Variants in SCML4 observed in about 807,000 individuals in gnomAD.
The protein encoded by SCML4 is Scm polycomb group protein like 4.
A neutral mutation model predicts 41.1 loss-of-function variants in SCML4; 34 were observed. The observed-to-expected ratio is 0.83, with a 90% CI of 0.63 to 1.10. The LOEUF (loss-of-function observed/expected upper bound fraction) is 1.10, where lower values mean the gene tolerates loss of function less well. Among genes scored for constraint, SCML4 ranks in the 50% least tolerant of loss-of-function variants. SCML4 has a pLI of 0.00. For missense variants in SCML4, 522 were observed against 534.1 expected, an observed-to-expected ratio of 0.98 and a Z score of 0.22; for synonymous variants, 214 against 220.9, an observed-to-expected ratio of 0.97 and a Z score of 0.28.
intron 5 of SCML4, among the ~76,000 whole-genome samples, chr6:107,743,407 C>T (rs1213686137): frequency 1.3e-5 from 2 of 152,130 alleles, no homozygotes; most frequent in African/African-American, 4.8e-5. Flanking sequence ...TCCCATGGGT[C>T]ATTGTGTGTT....
chr6:107,712,711 G>T (rs959201890), intron 6 of SCML4, among the ~76,000 whole-genome samples: 3 of 152,152 alleles, frequency 2.0e-5, no homozygotes, highest in African/African-American at 7.2e-5. Flanking sequence ...AAGAAAAATG[G>T]AGCTTTCCAG....
At chr6:107,813,371 TA>T (rs1784314402) in intron 1 of SCML4, among the ~76,000 whole-genome samples, 1 of 1,948 alleles carries the variant, frequency 5.1e-4, no homozygotes, top group Non-Finnish European at 1.3e-3. Flanking sequence ...TCAAAAAAAT[TA>T]TATATATATA....
intron 1 of SCML4, among the ~76,000 whole-genome samples, chr6:107,789,498 C>A (rs774368243): frequency 6.6e-6 from 1 of 152,192 alleles, no homozygotes; most frequent in Non-Finnish European, 1.5e-5. Context: ...CTATGTCCTG[C>A]GTCGTTGACA....
At chr6:107,788,183 A>C (rs1782045711) in intron 1 of SCML4, among the ~76,000 whole-genome samples, 1 of 152,236 alleles carries the variant, frequency 6.6e-6, no homozygotes, top group African/African-American at 2.4e-5. Context: ...CTTCCCCAAT[A>C]GACAAGGACC....
intron 1 of SCML4, among the ~76,000 whole-genome samples, chr6:107,814,358 C>T (rs1784414497): frequency 6.6e-6 from 1 of 152,134 alleles, no homozygotes; most frequent in South Asian, 2.1e-4. Context: ...CCCAGTTATA[C>T]CACTTAACAG....
chr6:107,776,198 T>A (rs554903297), intron 1 of SCML4, among the ~76,000 whole-genome samples: 1 of 151,820 alleles, frequency 6.6e-6, no homozygotes, highest in Admixed American at 6.6e-5. Flanking sequence ...AAATGTAAAA[T>A]CATAAAAAAG....
In SCML4 at chr6:107,824,223, T is replaced by G. The variant is rs1785149793; in HGVS notation, c.-157A>C. 1 of 152,216 alleles carries G rather than the reference T, an allele frequency of 6.6e-6. No homozygotes were observed. The highest frequency in any genetic ancestry group is 6.5e-5 in the Admixed American group (1 of 15,288). The allele number at this position is 152,216 out of a possible 1,614,324, so 9.4% of individuals were successfully genotyped here. A position where few individuals can be genotyped will look rare whatever the true frequency, so the allele number is the denominator to read the frequency against. ...CTTTCAGCACATGCAAACCGAGTAT[T>G]GCAAAAGCTATCTTCCACCCGTGTT... On this transcript the variant is annotated 5_prime_UTR_variant, in exon 1 of 8. Coordinates refer to ENST00000369020, the MANE Select transcript of SCML4 (RefSeq NM_198081.5).
chr6:107,765,256 C>T (rs1779939908), intron 2 of SCML4, among the ~76,000 whole-genome samples: 1 of 152,162 alleles, frequency 6.6e-6, no homozygotes. Context: ...TCAAAACTGT[C>T]AGCCCAGCTG....
chr6:107,805,054 T>A (rs1220846143), intron 1 of SCML4, among the ~76,000 whole-genome samples: 2 of 152,160 alleles, frequency 1.3e-5, no homozygotes, highest in East Asian at 3.9e-4. Context: ...ACAATAAGCC[T>A]GTGCTGGAGG....
intron 1 of SCML4, among the ~76,000 whole-genome samples, chr6:107,814,620 T>C (rs7738729): frequency 7.4e-4 from 113 of 152,364 alleles, no homozygotes; most frequent in African/African-American, 2.5e-3. Context: ...TGGCACAATC[T>C]TGGCCCACTG....
chr6:107,831,979 C>T, the SCML4 span, among the ~76,000 whole-genome samples: 2 of 151,056 alleles, frequency 1.3e-5, no homozygotes, highest in Admixed American at 6.6e-5. Flanking sequence ...AGGAGAATGG[C>T]GTGAACCCGG....
At chr6:107,838,961 AAC>A in the SCML4 span, among the ~76,000 whole-genome samples, 1 of 64,690 alleles carries the variant, frequency 1.5e-5, no homozygotes, top group Non-Finnish European at 4.2e-5. Flanking sequence ...CTATGTCCAC[AAC>A]AAAAAATCGT....
the SCML4 span, among the ~76,000 whole-genome samples, chr6:107,844,165 G>A: frequency 1.3e-5 from 2 of 152,170 alleles, no homozygotes; most frequent in African/African-American, 4.8e-5. Flanking sequence ...GCTATTAAAT[G>A]ATGGGAAACA....
At chr6:107,797,198 G>A (rs1357045214) in intron 1 of SCML4, among the ~76,000 whole-genome samples, 1 of 152,014 alleles carries the variant, frequency 6.6e-6, no homozygotes, top group Admixed American at 6.6e-5. Context: ...ATTTTCATTA[G>A]GAATGCATTG....
intron 3 of SCML4, among the ~76,000 whole-genome samples, chr6:107,749,361 T>A (rs1404697918): frequency 2.6e-5 from 4 of 152,006 alleles, no homozygotes; most frequent in Non-Finnish European, 5.9e-5. Context: ...CTTAGATCAG[T>A]GCAATGGATC....
At chr6:107,758,475 G>A (rs9373974) in intron 2 of SCML4, among the ~76,000 whole-genome samples, 2 of 152,134 alleles carry the variant, frequency 1.3e-5, no homozygotes, top group Non-Finnish European at 2.9e-5. Flanking sequence ...AAAGACATAG[G>A]TTCAAGTTCT....
At chr6:107,723,466 C>G (rs146589556) in intron 5 of SCML4, among the ~76,000 whole-genome samples, 1 of 152,296 alleles carries the variant, frequency 6.6e-6, no homozygotes, top group Non-Finnish European at 1.5e-5. Context: ...ATGTGTATCA[C>G]TTTCACACCA....
At chr6:107,836,838 T>A in the SCML4 span, among the ~76,000 whole-genome samples, 1 of 152,210 alleles carries the variant, frequency 6.6e-6, no homozygotes, top group Non-Finnish European at 1.5e-5. Flanking sequence ...CTTGTGTACA[T>A]GTCTTGTTAA....
chr6:107,710,300 A>T (rs1258109635), intron 6 of SCML4, among the ~76,000 whole-genome samples: 2 of 58,274 alleles, frequency 3.4e-5, no homozygotes, highest in African/African-American at 1.1e-4. Flanking sequence ...GAATCAAGAA[A>T]CGAAGTCAAT....
Sources: gnomAD v4.1 joint callset for allele counts (sites outside exome capture counted in the v4.1 genomes callset) on GRCh38, gnomAD v4.1.1 for gene constraint, MANE v1.5 for transcripts, NCBI Gene and HGNC (gene_info 2026-07-23, HGNC 2026-07-21) for gene names.